The following SBF2 variants were observed in gnomAD, a reference collection of about 807,000 sequenced individuals.
SBF2 encodes the protein myotubularin-related protein 13.
SBF2 carries 112 observed loss-of-function variants against 225.2 expected under a neutral mutation model. The ratio of observed to expected loss-of-function variants is 0.50; its 90% CI spans 0.43 to 0.58. SBF2 has a LOEUF of 0.58. Ranked by LOEUF, SBF2 falls within the 20% of genes least tolerant of loss-of-function variation. The pLI is 0.00. For missense variants in SBF2, 1,996 were observed against 2,206.2 expected (o/e 0.90, Z 1.91); for synonymous variants, 763 against 773.3 (o/e 0.99, Z 0.22).
intron 16 of SBF2, among the ~76,000 whole-genome samples, chr11:9,922,881 A>G (rs1446400710): frequency 1.3e-5 from 2 of 152,234 alleles, no homozygotes; most frequent in Admixed American, 1.3e-4. Flanking sequence ...TAGAAGCTCC[A>G]GAGTGGAACT....
chr11:10,165,781 C>T (rs947690029), intron 2 of SBF2, among the ~76,000 whole-genome samples: 1 of 152,150 alleles, frequency 6.6e-6, no homozygotes, highest in African/African-American at 2.4e-5. Flanking sequence ...AACTTAATGA[C>T]ACATCCATAC....
At chr11:10,161,517 G>A (rs749988434) in intron 2 of SBF2, among the ~76,000 whole-genome samples, 98 of 152,156 alleles carry the variant, frequency 6.4e-4, no homozygotes, top group Non-Finnish European at 1.3e-3. Context: ...TGGGAGAGAC[G>A]GCTGGCTGTT....
intron 1 of SBF2, among the ~76,000 whole-genome samples, chr11:10,222,527 G>A (rs1014823513): frequency 3.3e-5 from 5 of 152,092 alleles, no homozygotes; most frequent in South Asian, 4.1e-4. Context: ...GAATGAAGAC[G>A]ACAGAGAAAA....
At chr11:10,093,769 A>G (rs1487704764) in intron 2 of SBF2, among the ~76,000 whole-genome samples, 4 of 152,226 alleles carry the variant, frequency 2.6e-5, no homozygotes, top group Admixed American at 2.6e-4. Context: ...CTTTGTGTAC[A>G]GTAAATACCA....
intron 16 of SBF2, chr11:9,929,117 A>G (rs1011512371): frequency 6.6e-6 from 2 of 302,362 alleles, no homozygotes; most frequent in Non-Finnish European, 1.3e-5. Flanking sequence ...ACCAAGTGGG[A>G]GCAATCATCA....
At position 10,097,811 on chromosome 11, in the gene SBF2, G is replaced by A. The variant is rs1233910004; in HGVS notation, c.142-54830C>T. ...CCCAGTGCCAAGAGAGATCCAATCA[G>A]CCTTGGATCTGTCTCACAAAGGAAA... On this transcript the variant is annotated intron_variant, in intron 2 of 39. Coordinates refer to ENST00000256190, the MANE Select transcript of SBF2 (RefSeq NM_030962.4). Among the ~76,000 whole-genome samples the A allele has an allele frequency of 2.0e-5, 3 of 152,222 alleles. No individual in the cohort carries two copies. In the East Asian group the frequency reaches 5.8e-4, roughly 29 times the overall value.
chr11:10,240,317 A>C (rs1959191673), intron 1 of SBF2, among the ~76,000 whole-genome samples: 1 of 152,190 alleles, frequency 6.6e-6, no homozygotes, highest in Non-Finnish European at 1.5e-5. Flanking sequence ...CAAAATTTAA[A>C]GACTTCCTTA....
At chr11:9,821,118 T>C (rs1854728349) in intron 28 of SBF2, among the ~76,000 whole-genome samples, 1 of 152,152 alleles carries the variant, frequency 6.6e-6, no homozygotes, top group African/African-American at 2.4e-5. Context: ...CAAAATAAAC[T>C]TCTGAATTTA....
chr11:9,780,828 ATGCAC>A, intron 39 of SBF2: 1 of 385,302 alleles, frequency 2.6e-6, no homozygotes, highest in Non-Finnish European at 5.0e-6. Context: ...AACCTTTCCC[ATGCAC>A]TGCACCAATG....
At chr11:9,809,566 A>G (rs1316017523) in intron 30 of SBF2, among the ~76,000 whole-genome samples, 8 of 141,502 alleles carry the variant, frequency 5.7e-5, no homozygotes, top group African/African-American at 2.1e-4. Flanking sequence ...TTTTTTTGAG[A>G]CAAAGTCTCG....
In SBF2 at chr11:9,808,118, A is replaced by T; in HGVS notation, c.4325T>A (p.Val1442Asp). 1 of 1,614,216 alleles carries T rather than the reference A, an allele frequency of 6.2e-7. No individual in the cohort carries two copies. Among genetic ancestry groups the T allele is most frequent in the South Asian group, 1.1e-5 (1 of 91,088 alleles). ...YRTLEGFQML[V>D]EKEWLSFGHK... The stretch of plus-strand genomic sequence containing the variant: ...ACCAAAAGAGAGCCACTCTTTTTCA[A>T]CCAACATCTGGAAGCCTTCAAGTGT... The change falls in exon 32 of 40, where the codon GTT becomes GAT. Residue 1442 changes from valine (V) to aspartate (D), a missense_variant. By Grantham distance (152) the Val-to-Asp change is radical (BLOSUM62 -3). Transcript: ENST00000256190.
chr11:9,988,790 C>A (rs997112369), intron 13 of SBF2, among the ~76,000 whole-genome samples: 3 of 152,104 alleles, frequency 2.0e-5, no homozygotes, highest in African/African-American at 7.2e-5. Flanking sequence ...GGGAACACTT[C>A]TACACTGCTG....
At chr11:10,086,492 C>T (rs1020902098) in intron 2 of SBF2, among the ~76,000 whole-genome samples, 1 of 152,158 alleles carries the variant, frequency 6.6e-6, no homozygotes, top group African/African-American at 2.4e-5. Flanking sequence ...AATTGCTTGG[C>T]TTCATTCTGA....
chr11:10,211,925 A>G (rs771070503), intron 1 of SBF2, among the ~76,000 whole-genome samples: 23 of 152,224 alleles, frequency 1.5e-4, no homozygotes, highest in Admixed American at 2.6e-4. Context: ...GGAACCAAAT[A>G]TACAACTGGA....
chr11:10,270,173 T>C (rs1307039953), intron 1 of SBF2, among the ~76,000 whole-genome samples: 1 of 152,118 alleles, frequency 6.6e-6, no homozygotes, highest in African/African-American at 2.4e-5. Context: ...ATGTTTTATA[T>C]ATACAAAGTT....
intron 2 of SBF2, among the ~76,000 whole-genome samples, chr11:10,063,858 C>CAGAGAGAGAGAGAGAGAGAGAG (rs1555006975): frequency 2.0e-4 from 27 of 136,228 alleles, no homozygotes; most frequent in Admixed American, 1.1e-3. Context: ...CACACACACA[C>CAGAGAGAGAGAGAGAGAGAGAG]AGAGAGAGAG....
At chr11:10,002,004 G>GA (rs1289181159) in intron 7 of SBF2, among the ~76,000 whole-genome samples, 1 of 151,282 alleles carries the variant, frequency 6.6e-6, no homozygotes, top group African/African-American at 2.4e-5. Flanking sequence ...TTTTTATTAG[G>GA]AAAAAAATTT....
At chr11:9,936,914 C>T (rs2134279315) in intron 16 of SBF2, among the ~76,000 whole-genome samples, 1 of 152,134 alleles carries the variant, frequency 6.6e-6, no homozygotes, top group East Asian at 1.9e-4. Context: ...CCTTTACTCC[C>T]TTGAGGATTA....
intron 1 of SBF2, among the ~76,000 whole-genome samples, chr11:10,232,530 G>A (rs1958901029): frequency 6.6e-6 from 1 of 151,772 alleles, no homozygotes; most frequent in African/African-American, 2.4e-5. Flanking sequence ...AAAGTAGTAG[G>A]GTTTCTTTTT....
Sources: gnomAD v4.1 joint callset for allele counts (sites outside exome capture counted in the v4.1 genomes callset) on GRCh38, gnomAD v4.1.1 for gene constraint, MANE v1.5 for transcripts, NCBI Gene and HGNC (gene_info 2026-07-23, HGNC 2026-07-21) for gene names.